GUCY1A1: variants seen among roughly 807,000 people sequenced by gnomAD.
GUCY1A1 encodes the protein guanylate cyclase 1 soluble subunit alpha 1, also known as guanylate cyclase soluble subunit alpha-1.
Under a neutral mutation model 64.5 loss-of-function variants are expected in GUCY1A1, and 48 were observed. The observed-to-expected ratio is 0.74, with a 90% CI of 0.59 to 0.95. GUCY1A1 has a LOEUF of 0.95. Among genes scored for constraint, GUCY1A1 ranks in the 40% least tolerant of loss-of-function variants. GUCY1A1 has a pLI of 0.00. For missense variants in GUCY1A1, 804 were observed against 825.3 expected (o/e 0.97, Z 0.32); for synonymous variants, 308 against 303.4 (o/e 1.02, Z -0.16).
At chr4:155,721,443 G>A (rs375026564) in intron 8 of GUCY1A1, among the ~76,000 whole-genome samples, 10 of 152,112 alleles carry the variant, frequency 6.6e-5, no homozygotes, top group Admixed American at 4.6e-4. Flanking sequence ...CATTGTCATC[G>A]TCATTGGACT....
chr4:155,721,249 G>A (rs1353264369), intron 8 of GUCY1A1, among the ~76,000 whole-genome samples: 1 of 152,118 alleles, frequency 6.6e-6, no homozygotes, highest in East Asian at 1.9e-4. Context: ...GAGTGACAGA[G>A]CAAGACTCTG....
At chr4:155,719,938 A>G (rs181071614) in intron 8 of GUCY1A1, among the ~76,000 whole-genome samples, 1 of 152,292 alleles carries the variant, frequency 6.6e-6, no homozygotes, top group East Asian at 1.9e-4. Flanking sequence ...TTCACAGGGA[A>G]GTCTGTTACC....
intron 2 of GUCY1A1, among the ~76,000 whole-genome samples, chr4:155,682,698 CA>C (rs1229172247): frequency 1.0e-5 from 1 of 97,824 alleles, no homozygotes; most frequent in Non-Finnish European, 2.1e-5. Flanking sequence ...AAAGAAAATT[CA>C]GTGTGTGTGT....
At chr4:155,688,024 C>T (rs1444440043) in intron 2 of GUCY1A1, among the ~76,000 whole-genome samples, 1 of 151,854 alleles carries the variant, frequency 6.6e-6, no homozygotes, top group Non-Finnish European at 1.5e-5. Context: ...GAGATCGAGA[C>T]CATCCTGGCT....
chr4:155,689,328 G>C (rs1729432302), intron 2 of GUCY1A1, among the ~76,000 whole-genome samples: 1 of 152,008 alleles, frequency 6.6e-6, no homozygotes, highest in Non-Finnish European at 1.5e-5. Flanking sequence ...AAAGATGCAA[G>C]AAATTGTTTT....
At chr4:155,715,300 A>C (rs1334441478) in intron 7 of GUCY1A1, among the ~76,000 whole-genome samples, 16 of 152,296 alleles carry the variant, frequency 1.1e-4, no homozygotes, top group Non-Finnish European at 4.4e-5. Flanking sequence ...GCTTTGAAAG[A>C]ATAGTCAGCG....
chr4:155,683,176 A>C (rs887499165), intron 2 of GUCY1A1, among the ~76,000 whole-genome samples: 1 of 152,192 alleles, frequency 6.6e-6, no homozygotes, highest in Non-Finnish European at 1.5e-5. Flanking sequence ...GGAAATGCAT[A>C]AACTCTATGT....
chr4:155,717,578 A>G (rs1218397419), intron 8 of GUCY1A1, among the ~76,000 whole-genome samples: 1 of 152,184 alleles, frequency 6.6e-6, no homozygotes, highest in Admixed American at 6.5e-5. Flanking sequence ...TCTATTGTCA[A>G]AGTAAAATGG....
chr4:155,697,168 T>C, intron 3 of GUCY1A1, 46 bp downstream of exon 3: 3 of 1,448,806 alleles, frequency 2.1e-6, no homozygotes, highest in Non-Finnish European at 2.9e-6. Flanking sequence ...ACTTTGAAAT[T>C]GTAGAAGAAT....
chr4:155,722,220 C>T, intron 9 of GUCY1A1, 28 bp downstream of exon 9: 1 of 1,599,532 alleles, frequency 6.3e-7, no homozygotes, highest in Non-Finnish European at 8.5e-7. Context: ...CACCTAAAAT[C>T]TCTTGTTTTT....
chr4:155,694,939 A>G (rs1370039219), intron 2 of GUCY1A1, among the ~76,000 whole-genome samples: 1 of 152,310 alleles, frequency 6.6e-6, no homozygotes, highest in East Asian at 1.9e-4. Context: ...AACCTAAGTA[A>G]TCATTCCCCC....
Position 155,732,777 on chromosome 4 carries a change from C to G in GUCY1A1, c.*2546C>G, listed in dbSNP as rs529489657. The stretch of plus-strand genomic sequence containing the variant: ...TAAGACTGGGTCTCAAGACTGCTTC[C>G]CTAACAGACTGTTTCTCCTGAAAAT... On this transcript the variant is annotated 3_prime_UTR_variant, in exon 10 of 10. Coordinates refer to ENST00000506455, the MANE Select transcript of GUCY1A1 (RefSeq NM_001130682.3). 6.6e-6 allele frequency among the ~76,000 whole-genome samples: 1 copy of G among 152,012 alleles called. No homozygotes were observed. Among genetic ancestry groups the G allele is most frequent in the African/African-American group, 2.4e-5 (1 of 41,528 alleles).
chr4:155,696,179 A>T (rs1730380932), intron 2 of GUCY1A1, among the ~76,000 whole-genome samples: 1 of 152,134 alleles, frequency 6.6e-6, no homozygotes, highest in Non-Finnish European at 1.5e-5. Flanking sequence ...ATTTAAAGTG[A>T]TAAAATTTTT....
intron 2 of GUCY1A1, among the ~76,000 whole-genome samples, chr4:155,690,794 C>T (rs1354548249): frequency 6.6e-6 from 1 of 152,184 alleles, no homozygotes. Context: ...GGAACTGATA[C>T]ATCAGAAATA....
At position 155,713,460 on chromosome 4, in the gene GUCY1A1, C is replaced by T; in HGVS notation, c.1449C>T (p.Leu483=). 3 of 1,614,172 alleles carry T rather than the reference C, an allele frequency of 1.9e-6. No individual in the cohort carries two copies. The highest frequency in any genetic ancestry group is 2.5e-6 in the Non-Finnish European group (3 of 1,180,012). ...QAKKFSNVTM[L]FSDIVGFTAI... is the part of the protein sequence containing the mutation. Reference sequence around the variant, plus strand: ...AGAAGTTCAGTAATGTCACCATGCTCTTCTCAGACATCGTTGGGTTCACTG... The same window carrying T: ...AGAAGTTCAGTAATGTCACCATGCTTTTCTCAGACATCGTTGGGTTCACTG... The change falls in exon 7 of 10, where the codon CTC becomes CTT. Residue 483 remains leucine, a synonymous_variant. Coordinates refer to ENST00000506455, the MANE Select transcript of GUCY1A1 (RefSeq NM_001130682.3).
chr4:155,730,009 A>G (rs1389205519), intron 9 of GUCY1A1, 21 bp from the exon 10 acceptor site: 2 of 1,420,964 alleles, frequency 1.4e-6, no homozygotes, highest in Non-Finnish European at 9.9e-7. Flanking sequence ...TTATGTCAGT[A>G]TTATATTTTA....
chr4:155,681,452 G>A (rs1427769508), intron 2 of GUCY1A1, among the ~76,000 whole-genome samples: 2 of 152,134 alleles, frequency 1.3e-5, no homozygotes, highest in East Asian at 1.9e-4. Context: ...CAGTTACAGT[G>A]TAGTACTTTA....
Position 155,713,284 on chromosome 4 carries a change from C to T in GUCY1A1, c.1273C>T (p.Leu425=). 2.2e-5 allele frequency: 36 copies of T among 1,614,128 alleles called. No homozygotes were observed. The highest frequency in any genetic ancestry group is 3.0e-5 in the Non-Finnish European group (35 of 1,180,010). ...GGAACAAGCCCGAGCTCAAGATGGC[C>T]TGAAGAAGAGGCTGGGGAAGCTGAA... ...IGEQARAQDG[L]KKRLGKLKAT... The change falls in exon 7 of 10, where the codon CTG becomes TTG. Residue 425 remains leucine (L), a synonymous_variant. Coordinates refer to ENST00000506455, the MANE Select transcript of GUCY1A1 (RefSeq NM_001130682.3).
chr4:155,679,446 C>T (rs1251926024), intron 2 of GUCY1A1, among the ~76,000 whole-genome samples: 1 of 152,174 alleles, frequency 6.6e-6, no homozygotes. Context: ...AGGCTGCTTC[C>T]ACTCATGGCA....
Sources: allele counts gnomAD v4.1 joint callset (sites outside exome capture counted in the v4.1 genomes callset), GRCh38; gene constraint gnomAD v4.1.1; transcripts MANE v1.5; gene names NCBI Gene and HGNC (gene_info 2026-07-23, HGNC 2026-07-21).